Variants in CDC27 observed in about 807,000 individuals in gnomAD.
CDC27 encodes the protein cell division cycle protein 27 homolog.
Under a neutral mutation model 109.7 loss-of-function variants are expected in CDC27, and 27 were observed. That is an observed-to-expected ratio of 0.25 (90% CI 0.18 to 0.34). The LOEUF is 0.34. Among genes scored for constraint, CDC27 ranks in the 10% least tolerant of loss-of-function variants. The pLI is 1.00. For missense variants in CDC27, 579 were observed against 960.2 expected (o/e 0.60, Z 5.25); for synonymous variants, 266 against 333.9 (o/e 0.80, Z 2.22).
At chr17:47,129,680 A>G (rs1242099462) in intron 15 of CDC27, among the ~76,000 whole-genome samples, 159 bp from the exon 16 acceptor site, 1 of 152,248 alleles carries the variant, frequency 6.6e-6, no homozygotes, top group Non-Finnish European at 1.5e-5. Context: ...GTAATTAATT[A>G]CCAAATGATT....
At chr17:47,166,818 TCTC>T (rs1567700611) in intron 4 of CDC27, among the ~76,000 whole-genome samples, 1 of 152,144 alleles carries the variant, frequency 6.6e-6, no homozygotes, top group Non-Finnish European at 1.5e-5. Context: ...ATTTTTAAAA[TCTC>T]CTGTGAGACT....
In CDC27 at chr17:47,189,148, G is replaced by C; in HGVS notation, c.25C>G (p.Gln9Glu). ...CCAGAGAAGAAGGTTATCATTACCT[G>C]GACGGGTTCCTGCAGCACCGTCATC... MTVLQEPVQAAIWQALNHY... is the reference protein window; with the variant it reads MTVLQEPVEAAIWQALNHY... Residue 9 changes from glutamine to glutamate, a missense_variant and splice_region_variant, in exon 1 of 19, where the codon CAG (glutamine) becomes GAG (glutamate). Transcript: ENST00000066544. The C allele has an allele frequency of 6.2e-7, 1 of 1,613,312 alleles. No individual in the cohort carries two copies. The highest frequency in any genetic ancestry group is 8.5e-7 in the Non-Finnish European group (1 of 1,179,256).
intron 1 of CDC27, among the ~76,000 whole-genome samples, chr17:47,187,776 A>T (rs770297539): frequency 8.6e-5 from 13 of 151,704 alleles, no homozygotes; most frequent in Admixed American, 2.0e-4. Flanking sequence ...AACTTGAGTA[A>T]TCTGCTTATC....
intron 7 of CDC27, 110 bp from the exon 8 acceptor site, chr17:47,154,896 G>A (rs2063255120): frequency 5.1e-6 from 3 of 584,550 alleles, no homozygotes; most frequent in Non-Finnish European, 6.1e-6. Context: ...ATCAGTCTTA[G>A]GGACAGTGAG....
intron 1 of CDC27, among the ~76,000 whole-genome samples, chr17:47,187,327 G>A (rs1185871347): frequency 1.3e-5 from 2 of 151,920 alleles, no homozygotes; most frequent in African/African-American, 4.8e-5. Flanking sequence ...TTGAGATGGA[G>A]TCTCACTCTG....
intron 4 of CDC27, chr17:47,161,731 C>A (rs1244822016): frequency 6.6e-6 from 1 of 152,166 alleles, no homozygotes; most frequent in Non-Finnish European, 1.5e-5. Flanking sequence ...GCCTGGGTGA[C>A]AGAGCGAGAC....
chr17:47,152,312 A>G (rs2063175057), intron 8 of CDC27, among the ~76,000 whole-genome samples: 1 of 152,154 alleles, frequency 6.6e-6, no homozygotes, highest in Admixed American at 6.5e-5. Flanking sequence ...CTCATTATAC[A>G]CAGAAAAAAA....
At chr17:47,126,879 C>T (rs894287903) in intron 16 of CDC27, among the ~76,000 whole-genome samples, 2 of 152,104 alleles carry the variant, frequency 1.3e-5, no homozygotes, top group African/African-American at 4.8e-5. Context: ...CAGCAACCTC[C>T]GCCTCATGGG....
intron 14 of CDC27, among the ~76,000 whole-genome samples, chr17:47,136,532 A>G (rs1487330512): frequency 6.6e-6 from 1 of 152,170 alleles, no homozygotes; most frequent in Non-Finnish European, 1.5e-5. Context: ...ATAAATGTCA[A>G]CAGTAAGTAT....
intron 2 of CDC27, among the ~76,000 whole-genome samples, chr17:47,176,321 T>C (rs948990999): frequency 6.6e-6 from 1 of 152,218 alleles, no homozygotes; most frequent in Non-Finnish European, 1.5e-5. Context: ...ATTTCTACTG[T>C]TGAACATTTC....
At position 47,182,540 on chromosome 17, in the gene CDC27, T is replaced by C. The variant is rs187721374; in HGVS notation, c.28-903A>G. ...CAATTTTATACATTTGTACATATCA[T>C]CTCTAAGCAGTATAACATTTACTTT... is the stretch of plus-strand genomic sequence containing the variant. On this transcript the variant is annotated intron_variant, in intron 1 of 18. Coordinates refer to ENST00000066544, the MANE Select transcript of CDC27 (RefSeq NM_001256.6). Among the ~76,000 whole-genome samples, 5 of 152,336 alleles carry C rather than the reference T, an allele frequency of 3.3e-5. No homozygotes were observed. The East Asian group carries it at 9.6e-4, about 29-fold the overall frequency.
intron 8 of CDC27, among the ~76,000 whole-genome samples, 190 bp downstream of exon 8, chr17:47,154,482 C>T (rs11570492): frequency 0.011 from 1,720 of 152,222 alleles, 27 homozygotes; most frequent in African/African-American, 0.039. Flanking sequence ...AAGTCTGTCT[C>T]CTACTGTAAC....
intron 2 of CDC27, among the ~76,000 whole-genome samples, chr17:47,175,039 G>A (rs1335705767): frequency 7.7e-6 from 1 of 129,898 alleles, no homozygotes; most frequent in Non-Finnish European, 1.6e-5. Context: ...AAGAGAGAGA[G>A]AGGAAGGAAG....
In CDC27 at chr17:47,189,240, C is replaced by A. The variant is rs1035063450; in HGVS notation, c.-68G>T. On this transcript the variant is annotated 5_prime_UTR_variant, in exon 1 of 19. Coordinates refer to ENST00000066544, the MANE Select transcript of CDC27 (RefSeq NM_001256.6). ...CCTGTAGCGGCTCCGGCCCGGCCAGCCCCTGCTCATTTAAACTCACCAGCG... is the reference window on the plus strand; with the variant it reads ...CCTGTAGCGGCTCCGGCCCGGCCAGACCCTGCTCATTTAAACTCACCAGCG... The A allele has an allele frequency of 1.6e-6, 2 of 1,266,408 alleles. No individual in the cohort carries two copies. The highest frequency in any genetic ancestry group is 1.5e-5 in the African/African-American group (1 of 68,358). The allele number at this position is 1,266,408 out of a possible 1,614,324, so 78.4% of individuals were successfully genotyped here.
chr17:47,129,462 G>C lies in CDC27; in HGVS notation c.2091C>G (p.Val697=). 1 of 1,609,208 alleles carries C rather than the reference G, an allele frequency of 6.2e-7. No individual in the cohort carries two copies. Among genetic ancestry groups the C allele is most frequent in the South Asian group, 1.1e-5 (1 of 90,952 alleles). The change falls in exon 16 of 19, where the codon GTC becomes GTG. Residue 697 remains valine, a synonymous_variant. Transcript: ENST00000066544. Reference sequence around the variant, plus strand: ...TGCATAGAGGGTTCTTGGGATCAATGACAATGGCTTTGTTTAGGGTATCCA... The same window carrying C: ...TGCATAGAGGGTTCTTGGGATCAATCACAATGGCTTTGTTTAGGGTATCCA... ...KALDTLNKAI[V]IDPKNPLCKF... is the part of the protein sequence containing the mutation.
intron 7 of CDC27, among the ~76,000 whole-genome samples, chr17:47,155,870 T>C (rs1280754272): frequency 1.3e-5 from 2 of 152,122 alleles, no homozygotes; most frequent in Non-Finnish European, 2.9e-5. Context: ...GGAGGATCGC[T>C]TGAGCCCAAG....
At chr17:47,123,807 G>A (rs1184189130) in intron 17 of CDC27, 79 bp downstream of exon 17, 2 of 984,758 alleles carry the variant, frequency 2.0e-6, no homozygotes, top group Non-Finnish European at 3.0e-6. Flanking sequence ...ATATGTACAG[G>A]AAGTATTACA....
intron 16 of CDC27, among the ~76,000 whole-genome samples, chr17:47,126,771 T>C (rs931741445): frequency 6.6e-6 from 1 of 152,156 alleles, no homozygotes; most frequent in Non-Finnish European, 1.5e-5. Flanking sequence ...GAAACGGGCT[T>C]ATTAGATTTA....
chr17:47,127,456 G>A (rs994232221), intron 16 of CDC27, among the ~76,000 whole-genome samples: 12 of 151,102 alleles, frequency 7.9e-5, no homozygotes, highest in East Asian at 2.0e-4. Context: ...AGGCTGGAGC[G>A]CAGTGGTGTG....
Sources: allele counts gnomAD v4.1 joint callset (sites outside exome capture counted in the v4.1 genomes callset), GRCh38; gene constraint gnomAD v4.1.1; transcripts MANE v1.5; gene names NCBI Gene and HGNC (gene_info 2026-07-23, HGNC 2026-07-21).